CYTL1: variants seen among roughly 807,000 people sequenced by gnomAD.
CYTL1 encodes the protein cytokine-like protein 1.
In CYTL1, 17 loss-of-function variants were observed where a neutral mutation model predicts 13.1. That is an observed-to-expected ratio of 1.29 (90% confidence interval 0.89 to 1.94). The LOEUF (loss-of-function observed/expected upper bound fraction) is 1.94. CYTL1 is among the 30% of genes most tolerant of loss of function. The pLI is 0.00. For synonymous variants in CYTL1, 91 were observed against 79.4 expected, an observed-to-expected ratio of 1.15 and a Z score of -0.78; for missense variants, 213 against 174.8, an observed-to-expected ratio of 1.22 and a Z score of -1.23.
In CYTL1 at chr4:5,019,358, G is replaced by A. The variant is rs1741147681; in HGVS notation, c.88C>T (p.Arg30Cys). The A allele has an allele frequency of 2.6e-6, 4 of 1,512,458 alleles. No individual in the cohort carries two copies. The highest frequency in any genetic ancestry group is 8.8e-7 in the Non-Finnish European group (1 of 1,138,038). 93.7% of individuals were successfully genotyped at this position (1,512,458 alleles called of 1,614,324 possible). A position where few individuals can be genotyped will look rare whatever the true frequency, so the allele number is the denominator to read the frequency against. Residue 30 changes from arginine (R) to cysteine (C), a missense_variant, in exon 1 of 4, where the codon CGC becomes TGC. Arg to Cys is a radical substitution (Grantham distance 180). Coordinates refer to ENST00000307746, the MANE Select transcript of CYTL1 (RefSeq NM_018659.3). ...ATCTCCTGGCTCAGGGCCCGCATGC[G>A]GGAGTAGCAGGTCGGGGGAGTGGGC... is the stretch of plus-strand genomic sequence containing the variant. ...ARPTPPTCYS[R>C]MRALSQEITR...
In CYTL1 at chr4:5,015,083, G is replaced by T; in HGVS notation, c.*68C>A. On this transcript the variant is annotated 3_prime_UTR_variant, in exon 4 of 4. Coordinates refer to ENST00000307746, the MANE Select transcript of CYTL1 (RefSeq NM_018659.3). Reference sequence around the variant, plus strand: ...CAAGACCTGTGAGGGTCATGGCTCTGGCCCATTAAGTCTGGGTAGCTGACA... The same window carrying T: ...CAAGACCTGTGAGGGTCATGGCTCTTGCCCATTAAGTCTGGGTAGCTGACA... The T allele has an allele frequency of 2.4e-6, 3 of 1,259,570 alleles. No individual in the cohort carries two copies. Among genetic ancestry groups the T allele is most frequent in the Non-Finnish European group, 3.5e-6 (3 of 861,798 alleles). 78.0% of individuals were successfully genotyped at this position (1,259,570 alleles called of 1,614,324 possible).
chr4:5,017,896 G>C (rs1177279794), intron 1 of CYTL1, among the ~76,000 whole-genome samples: 1 of 152,188 alleles, frequency 6.6e-6, no homozygotes, highest in African/African-American at 2.4e-5. Context: ...TGCCCTCTCA[G>C]TAATCCCCGT....
chr4:5,016,921 G>A lies in CYTL1; in HGVS notation c.242C>T (p.Pro81Leu), dbSNP rs1018761416. Reference protein sequence around the residue: ...LDKLRDFVASPPCWKVAQVDS... With the variant: ...LDKLRDFVASLPCWKVAQVDS... ...TACCTGGGCCACTTTCCAACACGGGGGCGAGGCCACAAAGTCCCGCAGCTT... is the reference window on the plus strand; with the variant it reads ...TACCTGGGCCACTTTCCAACACGGGAGCGAGGCCACAAAGTCCCGCAGCTT... The change falls in exon 3 of 4, where the codon CCC becomes CTC. Residue 81 changes from proline to leucine, a missense_variant. Transcript: ENST00000307746. The A allele has an allele frequency of 2.5e-6, 4 of 1,614,062 alleles. No individual in the cohort carries two copies. Among genetic ancestry groups the A allele is most frequent in the African/African-American group, 1.3e-5 (1 of 74,912 alleles).
Position 5,019,322 on chromosome 4 carries a change from A to G in CYTL1, c.124T>C (p.Phe42Leu). 1 of 1,511,442 alleles carries G rather than the reference A, an allele frequency of 6.6e-7. No homozygotes were observed. The highest frequency in any genetic ancestry group is 1.3e-5 in the South Asian group (1 of 77,652). 93.6% of individuals were successfully genotyped at this position (1,511,442 alleles called of 1,614,324 possible). A position where few individuals can be genotyped will look rare whatever the true frequency, so the allele number is the denominator to read the frequency against. Residue 42 changes from phenylalanine (F) to leucine (L), a missense_variant, in exon 1 of 4, where the codon TTC (phenylalanine) becomes CTC (leucine). Coordinates refer to ENST00000307746, the MANE Select transcript of CYTL1 (RefSeq NM_018659.3). ...RALSQEITRD[F>L]NLLQVSEPSE... The stretch of plus-strand genomic sequence containing the variant: ...GGCTCCGAGACCTGCAGGAGGTTGA[A>G]GTCGCGGGTGATCTCCTGGCTCAGG...
At position 5,017,161 on chromosome 4, in the gene CYTL1, G is replaced by C; in HGVS notation, c.172C>G (p.Leu58Val). ...TGTATGTCCAGGTACAGCCTGGGCA[G>C]GTATCTCACACATGGCTCCTGTGGA... is the stretch of plus-strand genomic sequence containing the variant. ...SEPSEPCVRY[L>V]PRLYLDIHNY... The change falls in exon 2 of 4, where the codon CTG becomes GTG. Residue 58 changes from leucine (L) to valine (V), a missense_variant. Transcript: ENST00000307746. 1.9e-6 allele frequency: 3 copies of C among 1,614,014 alleles called. No individual in the cohort carries two copies. The highest frequency in any genetic ancestry group is 2.5e-6 in the Non-Finnish European group (3 of 1,179,944).
At position 5,019,413 on chromosome 4, in the gene CYTL1, C is replaced by T. The variant is rs966169792; in HGVS notation, c.33G>A (p.Leu11=). The T allele has an allele frequency of 2.7e-6, 4 of 1,488,462 alleles. No individual in the cohort carries two copies. The highest frequency in any genetic ancestry group is 4.0e-4 in the Middle Eastern group (2 of 4,982). 92.2% of individuals were successfully genotyped at this position (1,488,462 alleles called of 1,614,324 possible). Reference sequence around the variant, plus strand: ...CGGCGGGGGCTCCCGCCAGGAGCAGCAGCAGCACGGGCAGAGGCCCAGGCG... The same window carrying T: ...CGGCGGGGGCTCCCGCCAGGAGCAGTAGCAGCACGGGCAGAGGCCCAGGCG... The part of the protein sequence containing the change: MRTPGPLPVL[L]LLLAGAPAAR... The change falls in exon 1 of 4, where the codon CTG becomes CTA. Residue 11 remains leucine (L), a synonymous_variant. Transcript: ENST00000307746.
rs1371049596 is a variant in CYTL1 at position 5,018,996 on chromosome 4, CTTTTTTCTTT to C, written c.153+287_153+296del. Reference sequence around the variant, plus strand: ...CCCATCCTCCCACTCCTTTTTTTTTCTTTTTTCTTTTTTTTTTTTTTTTTTTTTTTTACAT... The same window carrying C: ...CCCATCCTCCCACTCCTTTTTTTTTCTTTTTTTTTTTTTTTTTTTTTACAT... On this transcript the variant is annotated intron_variant, in intron 1 of 3. Transcript: ENST00000307746. 1.2e-4 allele frequency among the ~76,000 whole-genome samples: 13 copies of C among 106,702 alleles called. No homozygotes were observed. In the Admixed American group the frequency reaches 1.2e-3, roughly 10 times the overall value. The allele number at this position is 106,702 out of a possible 152,430, so 70.0% of individuals were successfully genotyped here.
At position 5,016,920 on chromosome 4, in the gene CYTL1, G is replaced by A; in HGVS notation, c.243C>T (p.Pro81=). ...LDKLRDFVAS[P]PCWKVAQVDS... Reference sequence around the variant, plus strand: ...CTACCTGGGCCACTTTCCAACACGGGGGCGAGGCCACAAAGTCCCGCAGCT... The same window carrying A: ...CTACCTGGGCCACTTTCCAACACGGAGGCGAGGCCACAAAGTCCCGCAGCT... The change falls in exon 3 of 4, where the codon CCC becomes CCT. Residue 81 remains proline (P), a synonymous_variant. Coordinates refer to ENST00000307746, the MANE Select transcript of CYTL1 (RefSeq NM_018659.3). The A allele has an allele frequency of 6.2e-7, 1 of 1,614,144 alleles. No homozygotes were observed. The highest frequency in any genetic ancestry group is 1.1e-5 in the South Asian group (1 of 91,084).
rs1741031768 is a variant in CYTL1, at chr4:5,014,712, G to GA, written c.*438dup. On this transcript the variant is annotated 3_prime_UTR_variant, in exon 4 of 4. Transcript: ENST00000307746. ...TTCTTTTTAAATGAAAGACAGTGAA[G>GA]AAAGTCTGTGTTAGAAAAAGGCATA... The GA allele has an allele frequency of 5.6e-6, 1 of 178,084 alleles. No homozygotes were observed. The highest frequency in any genetic ancestry group is 2.4e-5 in the African/African-American group (1 of 41,594). The allele number at this position is 178,084 out of a possible 1,614,324, so 11.0% of individuals were successfully genotyped here.
chr4:5,014,941 A>G lies in CYTL1; in HGVS notation c.*210T>C. The G allele has an allele frequency of 1.8e-6, 1 of 565,938 alleles. No homozygotes were observed. Among genetic ancestry groups the G allele is most frequent in the East Asian group, 3.1e-5 (1 of 32,590 alleles). The allele number at this position is 565,938 out of a possible 1,614,324, so 35.1% of individuals were successfully genotyped here. ...TAACCATCCTGGCAAGACATGAGTCAAGGGAATGAGAAGCATGGTTGCTAA... is the reference window on the plus strand; with the variant it reads ...TAACCATCCTGGCAAGACATGAGTCGAGGGAATGAGAAGCATGGTTGCTAA... On this transcript the variant is annotated 3_prime_UTR_variant, in exon 4 of 4. Transcript: ENST00000307746.
intron 2 of CYTL1, 73 bp from the exon 3 acceptor site, chr4:5,017,037 A>C: frequency 6.2e-7 from 1 of 1,608,958 alleles, no homozygotes; most frequent in Admixed American, 1.7e-5. Context: ...GAGCTGCATA[A>C]GATCTCTCCC....
intron 3 of CYTL1, 106 bp downstream of exon 3, chr4:5,016,730 G>T (rs963165997): frequency 2.1e-4 from 287 of 1,391,576 alleles, no homozygotes; most frequent in Non-Finnish European, 2.7e-4. Flanking sequence ...AAACATCTCT[G>T]CTCCTCTTCC....
rs1741066326 is a variant in CYTL1 at position 5,016,076 on chromosome 4, GC to G, written c.327+759del. Among the ~76,000 whole-genome samples, 3 of 152,178 alleles carry G rather than the reference GC, an allele frequency of 2.0e-5. No individual in the cohort carries two copies. The South Asian group carries it at 6.2e-4, about 32-fold the overall frequency. On this transcript the variant is annotated intron_variant, in intron 3 of 3. Coordinates refer to ENST00000307746, the MANE Select transcript of CYTL1 (RefSeq NM_018659.3). ...TAATGAATGGATTAATGAGGGCTCT[GC>G]CCTTATGAATGGATTAACGTCACTA...
Position 5,015,180 on chromosome 4 carries a change from T to C in CYTL1, c.382A>G (p.Thr128Ala). 1 of 1,614,018 alleles carries C rather than the reference T, an allele frequency of 6.2e-7. No individual in the cohort carries two copies. Among genetic ancestry groups the C allele is most frequent in the Non-Finnish European group, 8.5e-7 (1 of 1,179,976 alleles). ...CGCTGACGATCTGGCAGGACCGTAGTCACTGGGATTGGGTATTCCAAGGCA... is the reference window on the plus strand; with the variant it reads ...CGCTGACGATCTGGCAGGACCGTAGCCACTGGGATTGGGTATTCCAAGGCA... ...CNALEYPIPV[T>A]TVLPDRQR is the part of the protein sequence containing the mutation. The change falls in exon 4 of 4, where the codon ACT (threonine) becomes GCT (alanine). Residue 128 changes from threonine to alanine, a missense_variant. Physicochemically the swap from Thr to Ala is moderately conservative, Grantham distance 58. Coordinates refer to ENST00000307746, the MANE Select transcript of CYTL1 (RefSeq NM_018659.3).
At position 5,019,305 on chromosome 4, in the gene CYTL1, G is replaced by T. The variant is rs745384247; in HGVS notation, c.141C>A (p.Val47=). Residue 47 remains valine (V), a synonymous_variant, in exon 1 of 4, where the codon GTC becomes GTA. Transcript: ENST00000307746. ...EITRDFNLLQ[V]SEPSEPCVRY... ...GCGGGGGACTCACCGAGGGCTCCGA[G>T]ACCTGCAGGAGGTTGAAGTCGCGGG... The T allele has an allele frequency of 1.9e-5, 29 of 1,499,746 alleles. No homozygotes were observed. The Admixed American group carries it at 3.0e-4, about 16-fold the overall frequency. 92.9% of individuals were successfully genotyped at this position (1,499,746 alleles called of 1,614,324 possible).
intron 1 of CYTL1, among the ~76,000 whole-genome samples, chr4:5,018,780 C>T (rs1268425206): frequency 6.6e-6 from 1 of 152,180 alleles, no homozygotes; most frequent in Non-Finnish European, 1.5e-5. Flanking sequence ...GTGCTACTGT[C>T]ATCCCATTTT....
chr4:5,017,144 C>T lies in CYTL1; in HGVS notation c.189G>A (p.Leu63=). Residue 63 remains leucine, a synonymous_variant, in exon 2 of 4, where the codon CTG becomes CTA. Transcript: ENST00000307746. ...GGGAGAACCCTCTTACGTGTATGTCCAGGTACAGCCTGGGCAGGTATCTCA... is the reference window on the plus strand; with the variant it reads ...GGGAGAACCCTCTTACGTGTATGTCTAGGTACAGCCTGGGCAGGTATCTCA... ...PCVRYLPRLY[L]DIHNYCVLDK... 2 of 1,613,990 alleles carry T rather than the reference C, an allele frequency of 1.2e-6. No homozygotes were observed. The highest frequency in any genetic ancestry group is 1.7e-6 in the Non-Finnish European group (2 of 1,179,942).
chr4:5,019,331 T>C lies in CYTL1; in HGVS notation c.115A>G (p.Thr39Ala). 1 of 1,501,886 alleles carries C rather than the reference T, an allele frequency of 6.7e-7. No individual in the cohort carries two copies. The highest frequency in any genetic ancestry group is 8.9e-7 in the Non-Finnish European group (1 of 1,129,396). 93.0% of individuals were successfully genotyped at this position (1,501,886 alleles called of 1,614,324 possible). A position where few individuals can be genotyped will look rare whatever the true frequency, so the allele number is the denominator to read the frequency against. ...SRMRALSQEITRDFNLLQVSE... is the reference protein window; with the variant it reads ...SRMRALSQEIARDFNLLQVSE... ...ACCTGCAGGAGGTTGAAGTCGCGGG[T>C]GATCTCCTGGCTCAGGGCCCGCATG... Residue 39 changes from threonine (T) to alanine (A), a missense_variant, in exon 1 of 4, where the codon ACC becomes GCC. Transcript: ENST00000307746.
chr4:5,015,057 A>T lies in CYTL1; in HGVS notation c.*94T>A. 1.9e-6 allele frequency: 2 copies of T among 1,028,656 alleles called. No individual in the cohort carries two copies. The highest frequency in any genetic ancestry group is 3.0e-6 in the Non-Finnish European group (2 of 659,422). 63.7% of individuals were successfully genotyped at this position (1,028,656 alleles called of 1,614,324 possible). On this transcript the variant is annotated 3_prime_UTR_variant, in exon 4 of 4. Transcript: ENST00000307746. ...CATAACAGTTTCAGATACAACTAAC[A>T]CAAGACCTGTGAGGGTCATGGCTCT...
Sources: gnomAD v4.1 joint callset for allele counts (sites outside exome capture counted in the v4.1 genomes callset) on GRCh38, gnomAD v4.1.1 for gene constraint, MANE v1.5 for transcripts, NCBI Gene and HGNC (gene_info 2026-07-23, HGNC 2026-07-21) for gene names.